Variants in RFX3 observed in about 807,000 individuals in gnomAD.
The protein encoded by RFX3 is regulatory factor X3.
RFX3 carries 14 observed loss-of-function variants against 98.6 expected under a neutral mutation model. The observed-to-expected ratio is 0.14, with a 90% CI of 0.09 to 0.22. The LOEUF (loss-of-function observed/expected upper bound fraction) is 0.22. RFX3 is among the 10% of genes least tolerant of loss of function. The probability of loss-of-function intolerance (pLI) is 1.00; values close to 1 mark genes in which losing one functional copy is unlikely to be tolerated. For missense variants in RFX3, 639 were observed against 926.9 expected (o/e 0.69, Z 4.03); for synonymous variants, 383 against 328.4 (o/e 1.17, Z -1.80).
intron 1 of RFX3, among the ~76,000 whole-genome samples, chr9:3,487,455 C>T (rs1425421125): frequency 6.6e-6 from 1 of 152,064 alleles, no homozygotes; most frequent in African/African-American, 2.4e-5. Context: ...ATCCTGTGTA[C>T]AGTATTAAGT....
intron 1 of RFX3, among the ~76,000 whole-genome samples, chr9:3,456,624 C>A (rs560247104): frequency 6.6e-6 from 1 of 152,322 alleles, no homozygotes; most frequent in East Asian, 1.9e-4. Flanking sequence ...ATTATTTCAA[C>A]CATCCATTAA....
chr9:3,488,187 G>A (rs945759927), intron 1 of RFX3, among the ~76,000 whole-genome samples: 2 of 152,024 alleles, frequency 1.3e-5, no homozygotes, highest in African/African-American at 4.8e-5. Flanking sequence ...AGAAAAAGAG[G>A]GAAGGAGAAA....
chr9:3,291,133 G>A (rs1827273183), intron 6 of RFX3, among the ~76,000 whole-genome samples: 1 of 152,190 alleles, frequency 6.6e-6, no homozygotes, highest in Admixed American at 6.5e-5. Flanking sequence ...GGGAGGCTGA[G>A]GCGGGCAGAT....
chr9:3,379,763 G>T (rs545297651), intron 2 of RFX3, among the ~76,000 whole-genome samples: 1 of 152,226 alleles, frequency 6.6e-6, no homozygotes, highest in Non-Finnish European at 1.5e-5. Context: ...CCAGTTCTCA[G>T]CAGAGTATGT....
intron 1 of RFX3, among the ~76,000 whole-genome samples, chr9:3,424,502 C>T (rs1587627033): frequency 6.6e-6 from 1 of 151,508 alleles, no homozygotes; most frequent in Admixed American, 6.6e-5. Flanking sequence ...GCTGGGACTA[C>T]AGGCGCCCGC....
At chr9:3,414,247 A>G (rs540525674) in intron 1 of RFX3, among the ~76,000 whole-genome samples, 1 of 152,258 alleles carries the variant, frequency 6.6e-6, no homozygotes, top group Non-Finnish European at 1.5e-5. Flanking sequence ...GTCTGCTTAC[A>G]ATACTTTTAA....
intron 11 of RFX3, among the ~76,000 whole-genome samples, chr9:3,269,394 TAACAC>T (rs1252313483): frequency 6.6e-6 from 1 of 152,082 alleles, no homozygotes; most frequent in South Asian, 2.1e-4. Flanking sequence ...TAGAATAATT[TAACAC>T]AAATCATCTG....
intron 1 of RFX3, among the ~76,000 whole-genome samples, chr9:3,478,584 A>G (rs1470624757): frequency 6.6e-6 from 1 of 152,090 alleles, no homozygotes; most frequent in African/African-American, 2.4e-5. Flanking sequence ...GAGAAGTCAT[A>G]CCTTCAAACT....
At chr9:3,424,722 T>G (rs914574152) in intron 1 of RFX3, among the ~76,000 whole-genome samples, 1 of 152,240 alleles carries the variant, frequency 6.6e-6, no homozygotes, top group Admixed American at 6.5e-5. Flanking sequence ...AATACAGAAA[T>G]GGCAAATACA....
chr9:3,373,668 G>A (rs575804249), intron 2 of RFX3, among the ~76,000 whole-genome samples: 1 of 152,068 alleles, frequency 6.6e-6, no homozygotes, highest in Admixed American at 6.6e-5. Context: ...TGAAGTTCTG[G>A]GAAGATCAAT....
At chr9:3,357,764 A>C (rs144957169) in intron 2 of RFX3, among the ~76,000 whole-genome samples, 20 of 152,194 alleles carry the variant, frequency 1.3e-4, no homozygotes, top group African/African-American at 4.8e-4. Flanking sequence ...ATACCAAGAA[A>C]AGATACATGT....
Position 3,292,255 on chromosome 9 carries a change from AAAAT to A in RFX3, c.731+818_731+821del, listed in dbSNP as rs549845060. On this transcript the variant is annotated intron_variant, in intron 6 of 16. Coordinates refer to ENST00000617270, the MANE Select transcript of RFX3 (RefSeq NM_001282116.2). Reference sequence around the variant, plus strand: ...TCCATATCCTTCTGTCCAGCTACTTAAAATATTTATCTTATGATAATTTATAGAA... The same window carrying A: ...TCCATATCCTTCTGTCCAGCTACTTAATTTATCTTATGATAATTTATAGAA... 1.2e-4 allele frequency among the ~76,000 whole-genome samples: 19 copies of A among 152,094 alleles called. 1 individual carries two copies. Among genetic ancestry groups the A allele is most frequent in the Admixed American group, 7.2e-4 (11 of 15,254 alleles).
rs929313693 is a variant in RFX3, at chr9:3,224,690, G to T, written c.*352C>A. 2.3e-5 allele frequency: 4 copies of T among 175,224 alleles called. No individual in the cohort carries two copies. The highest frequency in any genetic ancestry group is 9.6e-5 in the African/African-American group (4 of 41,810). The allele number at this position is 175,224 out of a possible 1,614,324, so 10.9% of individuals were successfully genotyped here. A position where few individuals can be genotyped will look rare whatever the true frequency, so the allele number is the denominator to read the frequency against. ...GCATCTAATTAAAAAACTTACACAT[G>T]AAATCATACACCAAGACTAACAATC... On this transcript the variant is annotated 3_prime_UTR_variant, in exon 17 of 17. Coordinates refer to ENST00000617270, the MANE Select transcript of RFX3 (RefSeq NM_001282116.2).
intron 7 of RFX3, among the ~76,000 whole-genome samples, chr9:3,279,482 G>A (rs569828500): frequency 3.5e-4 from 53 of 151,822 alleles, no homozygotes; most frequent in African/African-American, 1.3e-3. Flanking sequence ...TTTTAATACA[G>A]GATTGCAAAA....
At chr9:3,497,034 C>T (rs1851157232) in intron 1 of RFX3, among the ~76,000 whole-genome samples, 1 of 151,964 alleles carries the variant, frequency 6.6e-6, no homozygotes, top group Non-Finnish European at 1.5e-5. Context: ...AATCTTCCCA[C>T]AAATCTGCTT....
intron 11 of RFX3, among the ~76,000 whole-genome samples, chr9:3,267,838 G>T (rs1823850432): frequency 6.6e-6 from 1 of 151,850 alleles, no homozygotes; most frequent in Admixed American, 6.6e-5. Flanking sequence ...TTTTGAAACA[G>T]TAAAATTTTG....
intron 11 of RFX3, among the ~76,000 whole-genome samples, chr9:3,269,374 T>C (rs1824078569): frequency 6.6e-6 from 1 of 152,126 alleles, no homozygotes; most frequent in African/African-American, 2.4e-5. Context: ...ATTCCTATTT[T>C]CATATTTTCT....
chr9:3,400,209 G>A (rs1841334674), intron 1 of RFX3: 1 of 981,770 alleles, frequency 1.0e-6, no homozygotes, highest in Non-Finnish European at 1.2e-6. Context: ...ACAAAGACAA[G>A]TAAGAAAGGC....
At position 3,270,657 on chromosome 9, in the gene RFX3, C is replaced by T. The variant is rs1824302538; in HGVS notation, c.1203-132G>A. 5 of 869,452 alleles carry T rather than the reference C, an allele frequency of 5.8e-6. No homozygotes were observed. In the Admixed American group the frequency reaches 1.0e-4, roughly 18 times the overall value. The allele number at this position is 869,452 out of a possible 1,614,324, so 53.9% of individuals were successfully genotyped here. A position where few individuals can be genotyped will look rare whatever the true frequency, so the allele number is the denominator to read the frequency against. ...ATACCACCATTGCACTGGTGCCATA[C>T]AGCTGGCTATATATACCGAGAGAGA... On this transcript the variant is annotated intron_variant, in intron 10 of 16. Coordinates refer to ENST00000617270, the MANE Select transcript of RFX3 (RefSeq NM_001282116.2).
Sources: allele counts gnomAD v4.1 joint callset (sites outside exome capture counted in the v4.1 genomes callset), GRCh38; gene constraint gnomAD v4.1.1; transcripts MANE v1.5; gene names NCBI Gene and HGNC (gene_info 2026-07-23, HGNC 2026-07-21).